The following KYNU variants were observed in gnomAD, a reference collection of about 807,000 sequenced individuals.
KYNU encodes the protein L-kynurenine hydrolase.
A neutral mutation model predicts 59.2 loss-of-function variants in KYNU; 54 were observed. The ratio of observed to expected loss-of-function variants is 0.91; its 90% CI spans 0.73 to 1.14. The LOEUF (loss-of-function observed/expected upper bound fraction) is 1.14. KYNU is among the 50% of genes most tolerant of loss of function. KYNU has a pLI of 0.00. For synonymous variants in KYNU, 177 were observed against 192.0 expected (o/e 0.92, Z 0.65); for missense variants, 567 against 554.4 (o/e 1.02, Z -0.23).
intron 7 of KYNU, among the ~76,000 whole-genome samples, chr2:142,958,946 T>C (rs1684253375): frequency 6.6e-6 from 1 of 152,050 alleles, no homozygotes; most frequent in South Asian, 2.1e-4. Context: ...AAGTTATCAA[T>C]TTTACTTACA....
intron 12 of KYNU, among the ~76,000 whole-genome samples, chr2:143,037,289 A>G (rs1308449828): frequency 2.6e-5 from 4 of 152,208 alleles, no homozygotes; most frequent in African/African-American, 7.2e-5. Flanking sequence ...ATGTTTGGAC[A>G]AGATTATTTT....
chr2:143,041,236 G>GA (rs1558989328), intron 13 of KYNU, among the ~76,000 whole-genome samples: 1 of 151,780 alleles, frequency 6.6e-6, no homozygotes, highest in East Asian at 1.9e-4. Flanking sequence ...TAATTTCAGG[G>GA]AAAAAAGATA....
At chr2:142,946,082 T>C (rs1683769798) in intron 4 of KYNU, among the ~76,000 whole-genome samples, 2 of 151,664 alleles carry the variant, frequency 1.3e-5, no homozygotes. Context: ...TTTTGTTTTT[T>C]ATTTTTATTT....
rs1281111882 is a variant in KYNU, at chr2:143,049,393, A to G, written c.*7221A>G. ...GTGGCTGCCACCAACGCTTTTAGCT[A>G]CCTCCCTCCTCAAACTTTGGGGTCA... On this transcript the variant is annotated 3_prime_UTR_variant, in exon 14 of 14. Coordinates refer to ENST00000264170, the MANE Select transcript of KYNU (RefSeq NM_003937.3). The G allele has an allele frequency of 6.6e-6, 1 of 151,956 alleles. No homozygotes were observed. Among genetic ancestry groups the G allele is most frequent in the African/African-American group, 2.4e-5 (1 of 41,350 alleles). The allele number at this position is 151,956 out of a possible 1,614,324, so 9.4% of individuals were successfully genotyped here.
intron 4 of KYNU, among the ~76,000 whole-genome samples, chr2:142,949,779 T>C (rs879615628): frequency 6.6e-6 from 1 of 152,124 alleles, no homozygotes; most frequent in Non-Finnish European, 1.5e-5. Flanking sequence ...AACATTCTGC[T>C]CCTCGTTACT....
intron 10 of KYNU, among the ~76,000 whole-genome samples, chr2:143,025,368 T>C (rs1258954081): frequency 6.6e-6 from 1 of 152,140 alleles, no homozygotes; most frequent in African/African-American, 2.4e-5. Flanking sequence ...TTTCCTAGAT[T>C]AGCAATTTGG....
At position 142,927,574 on chromosome 2, in the gene KYNU, G is replaced by A; in HGVS notation, c.291-85G>A. 1.3e-5 allele frequency: 13 copies of A among 1,035,286 alleles called. No homozygotes were observed. In the South Asian group the frequency reaches 1.7e-4, roughly 13 times the overall value. 64.1% of individuals were successfully genotyped at this position (1,035,286 alleles called of 1,614,324 possible). A position where few individuals can be genotyped will look rare whatever the true frequency, so the allele number is the denominator to read the frequency against. On this transcript the variant is annotated intron_variant, in intron 3 of 13. Transcript: ENST00000264170. ...CACATAGAAAGGTCCACATAGAAATGTTTATTTGCTAAAGCTGATATTTGA... is the reference window on the plus strand; with the variant it reads ...CACATAGAAAGGTCCACATAGAAATATTTATTTGCTAAAGCTGATATTTGA...
At chr2:143,003,913 T>C (rs1283661335) in intron 10 of KYNU, among the ~76,000 whole-genome samples, 2 of 152,202 alleles carry the variant, frequency 1.3e-5, no homozygotes, top group Non-Finnish European at 2.9e-5. Flanking sequence ...GTTTGACATA[T>C]TGTGTTTTGG....
chr2:142,960,736 A>G lies in KYNU; in HGVS notation c.695A>G (p.Asn232Ser). ...GVHFYTGQHF[N>S]IPAITKAGQA... ...CATTTTTACACTGGACAGCACTTTA[A>G]TATTCCTGCCATCACAAAAGCTGGA... Residue 232 changes from asparagine to serine, a missense_variant, in exon 8 of 14, where the codon AAT (asparagine) becomes AGT (serine). Coordinates refer to ENST00000264170, the MANE Select transcript of KYNU (RefSeq NM_003937.3). The G allele has an allele frequency of 6.2e-7, 1 of 1,614,086 alleles. No individual in the cohort carries two copies. The highest frequency in any genetic ancestry group is 8.5e-7 in the Non-Finnish European group (1 of 1,179,996).
In KYNU at chr2:142,960,634, C is replaced by T. The variant is rs1317392728; in HGVS notation, c.593C>T (p.Thr198Ile). ...CCTAACTTGATTTAGGGGGAAGAAACCTTAAGAATAGAGGATATCCTTGAA... is the reference window on the plus strand; with the variant it reads ...CCTAACTTGATTTAGGGGGAAGAAATCTTAAGAATAGAGGATATCCTTGAA... ...RMIKPREGEETLRIEDILEVI... is the reference protein window; with the variant it reads ...RMIKPREGEEILRIEDILEVI... The change falls in exon 8 of 14, where the codon ACC becomes ATC. Residue 198 changes from threonine (T) to isoleucine (I), a missense_variant. Coordinates refer to ENST00000264170, the MANE Select transcript of KYNU (RefSeq NM_003937.3). 5.0e-6 allele frequency: 8 copies of T among 1,613,344 alleles called. No homozygotes were observed. The East Asian group carries it at 1.1e-4, about 22-fold the overall frequency.
intron 2 of KYNU, among the ~76,000 whole-genome samples, chr2:142,889,810 A>G (rs1360467366): frequency 6.6e-6 from 1 of 152,178 alleles, no homozygotes; most frequent in Non-Finnish European, 1.5e-5. Flanking sequence ...GCAGTTCTGA[A>G]CAATGAAAAA....
chr2:142,973,615 G>A (rs1684801173), intron 8 of KYNU, among the ~76,000 whole-genome samples: 3 of 152,124 alleles, frequency 2.0e-5, no homozygotes, highest in Non-Finnish European at 2.9e-5. Flanking sequence ...AAGCCTCCGT[G>A]TGCTTGGGAA....
intron 1 of KYNU, among the ~76,000 whole-genome samples, chr2:142,878,437 T>G (rs1235090563): frequency 6.6e-6 from 1 of 152,162 alleles, no homozygotes; most frequent in Non-Finnish European, 1.5e-5. Flanking sequence ...ATGATATGCT[T>G]AAAGAATCTT....
intron 8 of KYNU, among the ~76,000 whole-genome samples, chr2:142,972,717 C>T (rs1037663732): frequency 4.0e-5 from 6 of 151,408 alleles, no homozygotes; most frequent in Non-Finnish European, 8.8e-5. Flanking sequence ...TCTCTTTCCA[C>T]AGTATTGTCT....
intron 10 of KYNU, among the ~76,000 whole-genome samples, chr2:143,023,544 C>G (rs1686466030): frequency 6.6e-6 from 1 of 151,870 alleles, no homozygotes; most frequent in East Asian, 1.9e-4. Flanking sequence ...ATATTTCTCT[C>G]TCCTTATAGT....
intron 2 of KYNU, among the ~76,000 whole-genome samples, chr2:142,899,714 A>AT (rs1258034567): frequency 6.6e-6 from 1 of 152,196 alleles, no homozygotes; most frequent in Non-Finnish European, 1.5e-5. Flanking sequence ...TTGAAGAATG[A>AT]TTTGTAGTTT....
rs866088955 is a variant in KYNU at position 142,886,784 on chromosome 2, A to G, written c.169+1248A>G. On this transcript the variant is annotated intron_variant, in intron 2 of 13. Coordinates refer to ENST00000264170, the MANE Select transcript of KYNU (RefSeq NM_003937.3). Reference sequence around the variant, plus strand: ...ACCTTTAGAAACAGCGAGGACCCACATGAGACAAGTCAGGTCTGGTTGATG... The same window carrying G: ...ACCTTTAGAAACAGCGAGGACCCACGTGAGACAAGTCAGGTCTGGTTGATG... Among the ~76,000 whole-genome samples the G allele has an allele frequency of 3.9e-5, 6 of 152,356 alleles. No individual in the cohort carries two copies. The South Asian group carries it at 8.3e-4, about 21-fold the overall frequency.
intron 10 of KYNU, among the ~76,000 whole-genome samples, chr2:143,019,658 A>G (rs567711132): frequency 6.6e-6 from 1 of 152,178 alleles, no homozygotes; most frequent in African/African-American, 2.4e-5. Flanking sequence ...GTATCAGGGT[A>G]ATGCTGGCCT....
At position 143,050,954 on chromosome 2, in the gene KYNU, A is replaced by C. The variant is rs1461343233; in HGVS notation, c.*8782A>C. Reference sequence around the variant, plus strand: ...AATCAAAGTATTAGGGTACCTTGTTACTGAGATTATGGATGTGATGCTTCT... The same window carrying C: ...AATCAAAGTATTAGGGTACCTTGTTCCTGAGATTATGGATGTGATGCTTCT... On this transcript the variant is annotated 3_prime_UTR_variant, in exon 14 of 14. Coordinates refer to ENST00000264170, the MANE Select transcript of KYNU (RefSeq NM_003937.3). 1 of 152,202 alleles carries C rather than the reference A, an allele frequency of 6.6e-6. No homozygotes were observed. The highest frequency in any genetic ancestry group is 1.5e-5 in the Non-Finnish European group (1 of 68,032). 9.4% of individuals were successfully genotyped at this position (152,202 alleles called of 1,614,324 possible). A position where few individuals can be genotyped will look rare whatever the true frequency, so the allele number is the denominator to read the frequency against.
Sources: gnomAD v4.1 joint callset for allele counts (sites outside exome capture counted in the v4.1 genomes callset) on GRCh38, gnomAD v4.1.1 for gene constraint, MANE v1.5 for transcripts, NCBI Gene and HGNC (gene_info 2026-07-23, HGNC 2026-07-21) for gene names.